Variants in MGMT observed in about 807,000 individuals in gnomAD.
The protein encoded by MGMT is methylated-DNA--protein-cysteine methyltransferase.
Under a neutral mutation model 15.9 loss-of-function variants are expected in MGMT, and 14 were observed. The observed-to-expected ratio is 0.88, with a 90% CI of 0.58 to 1.37. MGMT has a LOEUF of 1.37. Among genes scored for constraint, MGMT ranks in the 40% most tolerant of loss-of-function variants. MGMT has a pLI of 0.00. For synonymous variants in MGMT, 130 were observed against 118.2 expected, an observed-to-expected ratio of 1.10 and a Z score of -0.65; for missense variants, 282 against 268.1, an observed-to-expected ratio of 1.05 and a Z score of -0.36.
At chr10:129,635,015 T>C (rs1847249653) in intron 2 of MGMT, among the ~76,000 whole-genome samples, 1 of 152,216 alleles carries the variant, frequency 6.6e-6, no homozygotes, top group Admixed American at 6.5e-5. Context: ...GGGTCTTGCT[T>C]TTAAGATTCG....
chr10:129,590,043 A>C (rs544844249), intron 2 of MGMT, among the ~76,000 whole-genome samples: 28 of 152,280 alleles, frequency 1.8e-4, no homozygotes, highest in South Asian at 4.1e-4. Context: ...GCGGATCATG[A>C]GATCATCACA....
At chr10:129,740,752 G>T (rs566657273) in intron 3 of MGMT, among the ~76,000 whole-genome samples, 1 of 152,320 alleles carries the variant, frequency 6.6e-6, no homozygotes, top group Admixed American at 6.5e-5. Context: ...GGCGACCTTG[G>T]ATAGGCTGCC....
At chr10:129,679,959 C>T (rs1847828903) in intron 2 of MGMT, among the ~76,000 whole-genome samples, 1 of 152,230 alleles carries the variant, frequency 6.6e-6, no homozygotes, top group South Asian at 2.1e-4. Context: ...ATTCCACGCT[C>T]CGTTATACCA....
chr10:129,493,208 CT>C (rs2119660617), intron 1 of MGMT, among the ~76,000 whole-genome samples: 1 of 152,230 alleles, frequency 6.6e-6, no homozygotes, highest in South Asian at 2.1e-4. Context: ...TTTCTGTTGC[CT>C]GGAACCAGGG....
chr10:129,607,617 T>A (rs186344637), intron 2 of MGMT, among the ~76,000 whole-genome samples: 3 of 152,176 alleles, frequency 2.0e-5, no homozygotes, highest in Admixed American at 6.5e-5. Flanking sequence ...AACACCCTTT[T>A]TATATATATT....
chr10:129,744,434 C>T (rs1848670545), intron 3 of MGMT, among the ~76,000 whole-genome samples: 1 of 152,234 alleles, frequency 6.6e-6, no homozygotes, highest in African/African-American at 2.4e-5. Context: ...AAGCCACAAG[C>T]CAGATGTCAG....
At chr10:129,657,703 A>ACACACACACACACACACACACG (rs1467822718) in intron 2 of MGMT, among the ~76,000 whole-genome samples, 3 of 124,512 alleles carry the variant, frequency 2.4e-5, no homozygotes, top group African/African-American at 1.0e-4. Context: ...ACACACACAC[A>ACACACACACACACACACACACG]CACGCACACA....
intron 3 of MGMT, among the ~76,000 whole-genome samples, chr10:129,725,462 G>C (rs1429205202): frequency 2.0e-5 from 3 of 152,266 alleles, no homozygotes; most frequent in African/African-American, 7.2e-5. Flanking sequence ...GCCTGCTGCT[G>C]TCATGGAACA....
At chr10:129,631,247 T>A (rs1225376401) in intron 2 of MGMT, among the ~76,000 whole-genome samples, 1 of 152,170 alleles carries the variant, frequency 6.6e-6, no homozygotes, top group Non-Finnish European at 1.5e-5. Flanking sequence ...CAGTCCCCGT[T>A]AAGGGTAGAA....
At chr10:129,482,562 ATCTGT>A (rs1270348099) in intron 1 of MGMT, among the ~76,000 whole-genome samples, 1 of 152,104 alleles carries the variant, frequency 6.6e-6, no homozygotes, top group Non-Finnish European at 1.5e-5. Flanking sequence ...TTCTTGGTTC[ATCTGT>A]TCTAAGTGAT....
At chr10:129,557,699 T>A (rs996167941) in intron 2 of MGMT, among the ~76,000 whole-genome samples, 6 of 152,188 alleles carry the variant, frequency 3.9e-5, no homozygotes, top group African/African-American at 1.4e-4. Context: ...AGGAACCCAT[T>A]ATAATTTTTC....
At chr10:129,746,112 G>A (rs779389399) in intron 3 of MGMT, among the ~76,000 whole-genome samples, 4 of 151,702 alleles carry the variant, frequency 2.6e-5, no homozygotes, top group East Asian at 1.9e-4. Context: ...GGTGGCAGGC[G>A]CCTGTAGTCC....
intron 3 of MGMT, among the ~76,000 whole-genome samples, chr10:129,713,797 CCTGTGGGTCCAGAAGACCAGA>C (rs1161978360): frequency 4.6e-5 from 7 of 152,074 alleles, no homozygotes; most frequent in African/African-American, 1.7e-4. Flanking sequence ...GAACCCATCC[CCTGTGGGTCCAGAAGACCAGA>C]TCCCCGCCAA....
At chr10:129,494,915 G>A (rs2119663995) in intron 1 of MGMT, among the ~76,000 whole-genome samples, 1 of 152,310 alleles carries the variant, frequency 6.6e-6, no homozygotes, top group Admixed American at 6.5e-5. Context: ...TCTCTGTGCT[G>A]TGTCAATAGG....
At chr10:129,506,145 G>T (rs1347694259) in intron 1 of MGMT, among the ~76,000 whole-genome samples, 1 of 152,048 alleles carries the variant, frequency 6.6e-6, no homozygotes, top group Non-Finnish European at 1.5e-5. Context: ...GCATCCAGTG[G>T]GTGGAGGCCA....
chr10:129,551,292 G>A (rs1846153689), intron 2 of MGMT, among the ~76,000 whole-genome samples: 1 of 152,202 alleles, frequency 6.6e-6, no homozygotes, highest in Non-Finnish European at 1.5e-5. Context: ...TTAACCATTT[G>A]GCTTTTTGTA....
At chr10:129,714,020 G>C (rs571641426) in intron 3 of MGMT, among the ~76,000 whole-genome samples, 2 of 152,378 alleles carry the variant, frequency 1.3e-5, no homozygotes, top group African/African-American at 4.8e-5. Context: ...GAACAAGAAT[G>C]TCAGATAATC....
chr10:129,681,083 C>T (rs752109312), intron 2 of MGMT, among the ~76,000 whole-genome samples: 2 of 152,144 alleles, frequency 1.3e-5, no homozygotes, highest in Non-Finnish European at 1.5e-5. Flanking sequence ...ACTGGAGCGC[C>T]GGCTGCTACC....
chr10:129,497,476 CTTTTTATTT>C (rs1306951056), intron 1 of MGMT, among the ~76,000 whole-genome samples: 1 of 152,108 alleles, frequency 6.6e-6, no homozygotes, highest in Non-Finnish European at 1.5e-5. Context: ...TTTGGGGGGA[CTTTTTATTT>C]TGAGATAAAT....
Sources: allele counts gnomAD v4.1 joint callset (sites outside exome capture counted in the v4.1 genomes callset), GRCh38; gene constraint gnomAD v4.1.1; transcripts MANE v1.5; gene names NCBI Gene and HGNC (gene_info 2026-07-23, HGNC 2026-07-21).